CAMK1D: variants seen among roughly 807,000 people sequenced by gnomAD.
CAMK1D encodes the protein calcium/calmodulin-dependent protein kinase type 1D.
In CAMK1D, 9 loss-of-function variants were observed where a neutral mutation model predicts 47.7. The ratio of observed to expected loss-of-function variants is 0.19; its 90% confidence interval spans 0.11 to 0.33. The LOEUF is 0.33. Among genes scored for constraint, CAMK1D ranks in the 10% least tolerant of loss-of-function variants. CAMK1D has a pLI of 1.00. For missense variants in CAMK1D, 291 were observed against 488.7 expected (o/e 0.60, Z 3.81); for synonymous variants, 184 against 184.9 (o/e 0.99, Z 0.04).
chr10:12,734,405 TACACACACACAC>T (rs1227273818), intron 3 of CAMK1D, among the ~76,000 whole-genome samples: 1 of 23,202 alleles, frequency 4.3e-5, no homozygotes, highest in African/African-American at 1.1e-4. Context: ...TATATATATA[TACACACACACAC>T]ACATGTATAT....
intron 1 of CAMK1D, among the ~76,000 whole-genome samples, chr10:12,481,311 C>T (rs571581473): frequency 6.6e-6 from 1 of 152,172 alleles, no homozygotes; most frequent in East Asian, 1.9e-4. Flanking sequence ...TCAGCCAGTC[C>T]TGTGGCCCCA....
intron 6 of CAMK1D, among the ~76,000 whole-genome samples, chr10:12,792,052 G>A (rs1483831190): frequency 6.6e-6 from 1 of 152,038 alleles, no homozygotes; most frequent in African/African-American, 2.4e-5. Context: ...TTTTCAATTT[G>A]CATTTTTGTA....
intron 1 of CAMK1D, among the ~76,000 whole-genome samples, chr10:12,469,912 C>T (rs1332413669): frequency 6.6e-6 from 1 of 151,852 alleles, no homozygotes; most frequent in South Asian, 2.1e-4. Context: ...GGGTACCATT[C>T]TTCTTAAGTA....
intron 2 of CAMK1D, among the ~76,000 whole-genome samples, chr10:12,567,991 A>C (rs985733995): frequency 6.6e-6 from 1 of 152,106 alleles, no homozygotes; most frequent in African/African-American, 2.4e-5. Flanking sequence ...GGTGGGGGCC[A>C]CTTTTACTGA....
At chr10:12,524,473 T>C (rs1835552619) in intron 1 of CAMK1D, among the ~76,000 whole-genome samples, 1 of 151,948 alleles carries the variant, frequency 6.6e-6, no homozygotes, top group African/African-American at 2.4e-5. Context: ...TTTGGGAGGC[T>C]GAGGCGGGCG....
At chr10:12,427,603 A>G (rs1160564008) in intron 1 of CAMK1D, among the ~76,000 whole-genome samples, 1 of 151,410 alleles carries the variant, frequency 6.6e-6, no homozygotes, top group Non-Finnish European at 1.5e-5. Context: ...CCATCTTGGA[A>G]CTTGGAACTT....
At chr10:12,609,649 G>C (rs1838565481) in intron 2 of CAMK1D, among the ~76,000 whole-genome samples, 2 of 152,198 alleles carry the variant, frequency 1.3e-5, no homozygotes, top group African/African-American at 2.4e-5. Context: ...CTGACAGGAG[G>C]TGGAGCTCAG....
intron 2 of CAMK1D, among the ~76,000 whole-genome samples, chr10:12,635,904 G>A (rs2132475923): frequency 6.6e-6 from 1 of 152,268 alleles, no homozygotes; most frequent in South Asian, 2.1e-4. Flanking sequence ...AGTTATAAGA[G>A]ACAATTCACT....
intron 1 of CAMK1D, among the ~76,000 whole-genome samples, chr10:12,360,166 C>G (rs1242032933): frequency 6.6e-6 from 1 of 152,168 alleles, no homozygotes; most frequent in Non-Finnish European, 1.5e-5. Flanking sequence ...ACCTTTCTCT[C>G]TCTTTCATGA....
chr10:12,613,355 T>A (rs942894885), intron 2 of CAMK1D, among the ~76,000 whole-genome samples: 1 of 152,200 alleles, frequency 6.6e-6, no homozygotes, highest in Non-Finnish European at 1.5e-5. Context: ...TACACGAGAC[T>A]GTGACAAGCC....
chr10:12,751,103 TAA>T (rs1835949191), intron 3 of CAMK1D, among the ~76,000 whole-genome samples: 1 of 105,318 alleles, frequency 9.5e-6, no homozygotes, highest in Non-Finnish European at 1.9e-5. Flanking sequence ...TAAGATAAGA[TAA>T]GATAAGATAA....
intron 1 of CAMK1D, among the ~76,000 whole-genome samples, chr10:12,364,706 TA>T (rs1837782497): frequency 6.6e-6 from 1 of 152,228 alleles, no homozygotes; most frequent in Non-Finnish European, 1.5e-5. Flanking sequence ...TGTGTGCTGA[TA>T]AACTGGCCTT....
chr10:12,517,239 C>T (rs7095660), intron 1 of CAMK1D, among the ~76,000 whole-genome samples: 79,546 of 151,850 alleles, frequency 0.52, 20,971 homozygotes, highest in South Asian at 0.68. Context: ...GTGACCTTGC[C>T]AAACTCACTT....
intron 1 of CAMK1D, among the ~76,000 whole-genome samples, chr10:12,461,702 A>G (rs1262651193): frequency 5.3e-5 from 8 of 151,958 alleles, no homozygotes; most frequent in African/African-American, 1.9e-4. Context: ...AAAAAAAAAA[A>G]AAAAAGAAGC....
chr10:12,744,700 G>A (rs2130855570), intron 3 of CAMK1D, among the ~76,000 whole-genome samples: 1 of 151,828 alleles, frequency 6.6e-6, no homozygotes, highest in South Asian at 2.1e-4. Flanking sequence ...AGAGCAGCCT[G>A]GGCAACATTG....
chr10:12,728,177 G>C (rs1834741298), intron 3 of CAMK1D, among the ~76,000 whole-genome samples: 1 of 152,214 alleles, frequency 6.6e-6, no homozygotes. Flanking sequence ...ATGTGTGTTA[G>C]AGGGCTTCTG....
intron 1 of CAMK1D, among the ~76,000 whole-genome samples, chr10:12,522,116 T>C (rs906815930): frequency 1.3e-5 from 2 of 151,822 alleles, no homozygotes; most frequent in Non-Finnish European, 2.9e-5. Context: ...ATTATTTGCT[T>C]TGCGTTGATC....
chr10:12,738,984 C>A (rs182682977), intron 3 of CAMK1D, among the ~76,000 whole-genome samples: 4 of 152,254 alleles, frequency 2.6e-5, no homozygotes, highest in Admixed American at 2.6e-4. Flanking sequence ...TGATTCACGC[C>A]TGCAATCCCA....
At chr10:12,575,104 A>C (rs548834995) in intron 2 of CAMK1D, among the ~76,000 whole-genome samples, 7 of 150,990 alleles carry the variant, frequency 4.6e-5, no homozygotes, top group Admixed American at 2.6e-4. Flanking sequence ...TTTTCTTTTT[A>C]TTTTTTGAGA....
Sources: allele counts gnomAD v4.1 joint callset (sites outside exome capture counted in the v4.1 genomes callset), GRCh38; gene constraint gnomAD v4.1.1; transcripts MANE v1.5; gene names NCBI Gene and HGNC (gene_info 2026-07-23, HGNC 2026-07-21).